The following ZNF135 variants were observed in gnomAD, a reference collection of about 807,000 sequenced individuals.
ZNF135 encodes the protein zinc finger protein 135, also known as zinc finger protein 135 (clone pHZ-17).
ZNF135 carries 11 observed loss-of-function variants against 12.3 expected under a neutral mutation model. The observed-to-expected ratio is 0.89, with a 90% CI of 0.56 to 1.48. ZNF135 has a LOEUF of 1.48. ZNF135 is among the 40% of genes most tolerant of loss of function. The pLI, the probability that ZNF135 is intolerant of heterozygous loss-of-function variation, is 0.00. For synonymous variants in ZNF135, 316 were observed against 312.0 expected (o/e 1.01, Z -0.14); for missense variants, 722 against 815.7 (o/e 0.89, Z 1.40).
In ZNF135 at chr19:58,067,837, C is replaced by T; in HGVS notation, c.1353C>T (p.Ser451=). 1.2e-6 allele frequency: 2 copies of T among 1,612,878 alleles called. No homozygotes were observed. Among genetic ancestry groups the T allele is most frequent in the Non-Finnish European group, 1.7e-6 (2 of 1,179,708 alleles). The part of the protein sequence containing the change: ...NECGKTFSHS[S]SLSQHERTHT... ...GTGGGAAAACCTTCAGCCACAGCTC[C>T]TCACTCAGCCAGCATGAGCGGACAC... The change falls in exon 5 of 5, where the codon TCC becomes TCT. Residue 451 remains serine, a synonymous_variant. Transcript: ENST00000313434.
At chr19:58,066,673 A>G (rs2074071556) in intron 4 of ZNF135, 68 bp from the exon 5 acceptor site, 2 of 1,576,166 alleles carry the variant, frequency 1.3e-6, no homozygotes, top group Admixed American at 3.6e-5. Context: ...TCCTCTTCCC[A>G]TCTCACCACA....
chr19:58,066,350 A>G lies in ZNF135; in HGVS notation c.257-391A>G, dbSNP rs112816256. On this transcript the variant is annotated intron_variant, in intron 4 of 4. Transcript: ENST00000313434. The stretch of plus-strand genomic sequence containing the variant: ...GCATTGTGGAGGCCACTGTAGCTGG[A>G]GCCTGGGTGCCACACTGCTCCTTCC... 1.9e-3 allele frequency among the ~76,000 whole-genome samples: 292 copies of G among 152,250 alleles called. 1 individual carries two copies. Among genetic ancestry groups the G allele is most frequent in the African/African-American group, 6.8e-3 (281 of 41,546 alleles).
chr19:58,067,927 C>T lies in ZNF135; in HGVS notation c.1443C>T (p.Leu481=). ...CGKAFRQSTH[L]TQHQRIHTGE... The stretch of plus-strand genomic sequence containing the variant: ...AGGCCTTCCGGCAGAGCACACACCT[C>T]ACCCAACACCAGCGAATCCACACAG... Residue 481 remains leucine, a synonymous_variant, in exon 5 of 5, where the codon CTC becomes CTT. Transcript: ENST00000313434. 6.2e-7 allele frequency: 1 copy of T among 1,607,218 alleles called. No homozygotes were observed. The highest frequency in any genetic ancestry group is 8.5e-7 in the Non-Finnish European group (1 of 1,177,988).
At position 58,061,987 on chromosome 19, in the gene ZNF135, G is replaced by A. The variant is rs554582762; in HGVS notation, c.160+281G>A. The stretch of plus-strand genomic sequence containing the variant: ...ATCCCAGGGTAGACCAGGGTGTTCT[G>A]TAGAGCTGTTAGGAGCCCCTCCTTC... On this transcript the variant is annotated intron_variant, in intron 3 of 4. Transcript: ENST00000313434. 3.9e-5 allele frequency among the ~76,000 whole-genome samples: 6 copies of A among 152,338 alleles called. No homozygotes were observed. The South Asian group carries it at 1.2e-3, about 32-fold the overall frequency.
chr19:58,066,221 C>T (rs1049214271), intron 4 of ZNF135, among the ~76,000 whole-genome samples: 3 of 152,148 alleles, frequency 2.0e-5, no homozygotes, highest in African/African-American at 7.2e-5. Flanking sequence ...CAGTTAGGTT[C>T]CTTTACATCT....
rs758912737 is a variant in ZNF135, at chr19:58,067,419, CCTT to C, written c.937_939del (p.Phe313del). On this transcript the variant is annotated inframe_deletion, in exon 5 of 5. Transcript: ENST00000313434. ...GGGAAATCCTTCAGTTTTAGGTCCT[CCTT>C]CAGCCAGCACGAGCGAACTCACACA... 6.2e-7 allele frequency: 1 copy of C among 1,614,048 alleles called. No homozygotes were observed. Among genetic ancestry groups the C allele is most frequent in the Admixed American group, 1.7e-5 (1 of 60,008 alleles).
Position 58,067,941 on chromosome 19 carries a change from G to A in ZNF135, c.1457G>A (p.Arg486Gln), listed in dbSNP as rs199593534. The change falls in exon 5 of 5, where the codon CGA (arginine) becomes CAA (glutamine). Residue 486 changes from arginine (R) to glutamine (Q), a missense_variant. Arg to Gln is a conservative substitution (Grantham distance 43). Transcript: ENST00000313434. Reference protein sequence around the residue: ...RQSTHLTQHQRIHTGEKPYEC... With the variant: ...RQSTHLTQHQQIHTGEKPYEC... ...AGCACACACCTCACCCAACACCAGC[G>A]AATCCACACAGGGGAGAAGCCCTAT... 70 of 1,613,846 alleles carry A rather than the reference G, an allele frequency of 4.3e-5. 1 individual carries two copies. The Middle Eastern group carries it at 6.6e-4, about 15-fold the overall frequency.
chr19:58,066,151 C>T (rs912200906), intron 4 of ZNF135, among the ~76,000 whole-genome samples: 67 of 152,296 alleles, frequency 4.4e-4, no homozygotes, highest in African/African-American at 1.6e-3. Flanking sequence ...TCTAATATGC[C>T]ACGGGTCATT....
At chr19:58,064,991 A>T (rs541360019) in intron 4 of ZNF135, among the ~76,000 whole-genome samples, 2 of 152,336 alleles carry the variant, frequency 1.3e-5, no homozygotes, top group South Asian at 2.1e-4. Context: ...CAGATTTTCG[A>T]TTGTACTGGG....
At position 58,059,833 on chromosome 19, in the gene ZNF135, A is replaced by G; in HGVS notation, c.-34-136A>G. 9.4e-7 allele frequency: 1 copy of G among 1,059,142 alleles called. No individual in the cohort carries two copies. The allele number at this position is 1,059,142 out of a possible 1,614,324, so 65.6% of individuals were successfully genotyped here. ...CCGAGCGGAGGGCCGCCCCACACAC[A>G]GCAGGCGCTTAAACGGGTACGCGGG... On this transcript the variant is annotated intron_variant, in intron 1 of 4. Coordinates refer to ENST00000313434, the MANE Select transcript of ZNF135 (RefSeq NM_001289401.2). This position sits in a 1 kb window ranked among gnomAD's most constrained non-coding sequence, Gnocchi z 6.5.
At position 58,059,991 on chromosome 19, in the gene ZNF135, A is replaced by G; in HGVS notation, c.-12A>G. ...CAGAGCAGGGCCAGCCGTTCCTGCC[A>G]GAAGCCAGGGCATGACCCCTGGGGT... On this transcript the variant is annotated 5_prime_UTR_variant, in exon 2 of 5. Coordinates refer to ENST00000313434, the MANE Select transcript of ZNF135 (RefSeq NM_001289401.2). This position sits in a 1 kb window ranked among gnomAD's most constrained non-coding sequence, Gnocchi z 6.5. 6.2e-7 allele frequency: 1 copy of G among 1,613,422 alleles called. No homozygotes were observed. The highest frequency in any genetic ancestry group is 8.5e-7 in the Non-Finnish European group (1 of 1,179,838).
In ZNF135 at chr19:58,066,847, G is replaced by C; in HGVS notation, c.363G>C (p.Leu121=). 1 of 1,614,236 alleles carries C rather than the reference G, an allele frequency of 6.2e-7. No individual in the cohort carries two copies. Among genetic ancestry groups the C allele is most frequent in the South Asian group, 1.1e-5 (1 of 91,090 alleles). The stretch of plus-strand genomic sequence containing the variant: ...TAGAAAGATTCCTGTGGGATGGTCT[G>C]TGGTACTGCAGGGGTGAGGACACTG... The part of the protein sequence containing the change: ...ILVERFLWDG[L]WYCRGEDTEG... Residue 121 remains leucine, a synonymous_variant, in exon 5 of 5, where the codon CTG becomes CTC. Coordinates refer to ENST00000313434, the MANE Select transcript of ZNF135 (RefSeq NM_001289401.2).
chr19:58,059,885 C>T lies in ZNF135; in HGVS notation c.-34-84C>T. On this transcript the variant is annotated intron_variant, in intron 1 of 4. Transcript: ENST00000313434. This position sits in a 1 kb window ranked among gnomAD's most constrained non-coding sequence, Gnocchi z 6.5. ...CCCTGGACGGCTCTCCGCGGAGCTC[C>T]CCAGGCTCTGGCGCAGTTCCCCGGC... The T allele has an allele frequency of 4.5e-6, 7 of 1,541,840 alleles. No individual in the cohort carries two copies. The highest frequency in any genetic ancestry group is 6.2e-6 in the Non-Finnish European group (7 of 1,134,566).
At position 58,059,564 on chromosome 19, in the gene ZNF135, G is replaced by A. The variant is rs1355320245; in HGVS notation, c.-35+254G>A. On this transcript the variant is annotated intron_variant, in intron 1 of 4. Transcript: ENST00000313434. This position sits in a 1 kb window ranked among gnomAD's most constrained non-coding sequence, Gnocchi z 6.5. Reference sequence around the variant, plus strand: ...CCAGCTGGACAGGAGCTGCTCCGACGGCCCCTGAGGGAACGCGCGCCCCGC... The same window carrying A: ...CCAGCTGGACAGGAGCTGCTCCGACAGCCCCTGAGGGAACGCGCGCCCCGC... 6.6e-6 allele frequency among the ~76,000 whole-genome samples: 1 copy of A among 152,058 alleles called. No homozygotes were observed. Among genetic ancestry groups the A allele is most frequent in the African/African-American group, 2.4e-5 (1 of 41,422 alleles).
At chr19:58,066,658 A>G (rs2074071227) in intron 4 of ZNF135, 83 bp from the exon 5 acceptor site, 1 of 1,540,202 alleles carries the variant, frequency 6.5e-7, no homozygotes, top group Non-Finnish European at 8.7e-7. Context: ...AATTAGTTTT[A>G]TCCTTCCTCT....
Position 58,063,369 on chromosome 19 carries a change from C to A in ZNF135, c.161-77C>A. On this transcript the variant is annotated intron_variant, in intron 3 of 4. Coordinates refer to ENST00000313434, the MANE Select transcript of ZNF135 (RefSeq NM_001289401.2). The surrounding 1 kb of genome is among the most constrained non-coding windows in gnomAD (Gnocchi z 4.4). ...CCCCAGCCATCTGGGACCTGGAAGA[C>A]CAAAGGTGGAATGGGCTGAGGCTCA... The A allele has an allele frequency of 1.9e-6, 3 of 1,591,240 alleles. No individual in the cohort carries two copies. The highest frequency in any genetic ancestry group is 2.6e-6 in the Non-Finnish European group (3 of 1,167,414).
At chr19:58,064,468 A>G (rs1460615821) in intron 4 of ZNF135, among the ~76,000 whole-genome samples, 1 of 152,122 alleles carries the variant, frequency 6.6e-6, no homozygotes, top group East Asian at 1.9e-4. Flanking sequence ...GAAGATCTTT[A>G]TGGTGGTCCA....
chr19:58,061,644 C>T lies in ZNF135; in HGVS notation c.98C>T (p.Pro33Leu), dbSNP rs1045547063. The T allele has an allele frequency of 6.2e-7, 1 of 1,613,562 alleles. No individual in the cohort carries two copies. Among genetic ancestry groups the T allele is most frequent in the African/African-American group, 1.3e-5 (1 of 74,880 alleles). ...FSQEEWGQLKPAQRTLYRDVM... is the reference protein window; with the variant it reads ...FSQEEWGQLKLAQRTLYRDVM... ...CAGGAGGAGTGGGGGCAGCTGAAGC[C>T]TGCCCAGAGGACCCTGTACCGTGAT... Residue 33 changes from proline (P) to leucine (L), a missense_variant, in exon 3 of 5, where the codon CCT becomes CTT. Transcript: ENST00000313434.
chr19:58,059,349 C>CCGGGG lies in ZNF135; in HGVS notation c.-35+43_-35+44insGCGGG. ...GCGAGGAGGGGGAGGGGAGGCCAGGCCGGGCCGGGCCGGGCCGGGTGCGGG... is the reference window on the plus strand; with the variant it reads ...GCGAGGAGGGGGAGGGGAGGCCAGGCCGGGGCGGGCCGGGCCGGGCCGGGTGCGGG... On this transcript the variant is annotated intron_variant, in intron 1 of 4. Coordinates refer to ENST00000313434, the MANE Select transcript of ZNF135 (RefSeq NM_001289401.2). The surrounding 1 kb of genome is among the most constrained non-coding windows in gnomAD (Gnocchi z 6.5). 1.8e-6 allele frequency: 2 copies of CCGGGG among 1,105,266 alleles called. No homozygotes were observed. Among genetic ancestry groups the CCGGGG allele is most frequent in the Non-Finnish European group, 2.4e-6 (2 of 816,932 alleles). 68.5% of individuals were successfully genotyped at this position (1,105,266 alleles called of 1,614,324 possible).
Sources: allele counts gnomAD v4.1 joint callset (sites outside exome capture counted in the v4.1 genomes callset), GRCh38; gene constraint gnomAD v4.1.1; non-coding constraint Gnocchi (gnomAD v3.1); transcripts MANE v1.5; gene names NCBI Gene and HGNC (gene_info 2026-07-23, HGNC 2026-07-21).